Variants in PHKA2 observed in about 807,000 individuals in gnomAD.
PHKA2 encodes phosphorylase kinase regulatory subunit alpha 2.
In PHKA2, 31 loss-of-function variants were observed where a neutral mutation model predicts 102.0. That is an observed-to-expected ratio of 0.30 (90% confidence interval 0.23 to 0.41). The LOEUF is 0.41. Among genes scored for constraint, PHKA2 ranks in the 10% least tolerant of loss-of-function variants. PHKA2 has a pLI of 1.00. For synonymous variants in PHKA2, 455 were observed against 416.2 expected (o/e 1.09, Z -1.13); for missense variants, 858 against 1,023.1 (o/e 0.84, Z 2.20).
chrX:18,927,107 T>C (rs1293157939), intron 13 of PHKA2, among the ~76,000 whole-genome samples: 1 of 111,005 alleles, frequency 9.0e-6, no homozygotes, highest in Non-Finnish European at 1.9e-5. Flanking sequence ...GGTCTGTGAG[T>C]GGGGATGCTG....
In PHKA2 at chrX:18,983,899, C is replaced by T; in HGVS notation, c.34G>A (p.Asp12Asn). ...TGCTGCACCAGCCGCGCGTACCCGT[C>T]CAAGCGGACCCCGGAATTGCTCCTG... ...RSRSNSGVRL[D>N]GYARLVQQTI... The change falls in exon 1 of 33, where the codon GAC (aspartate) becomes AAC (asparagine). Residue 12 changes from aspartate to asparagine, a missense_variant. Physicochemically the swap from Asp to Asn is conservative, Grantham distance 23. This residue lies in a region of PHKA2 where 187 missense variants were observed against 277.9 expected (regional missense o/e 0.67). Coordinates refer to ENST00000379942, the MANE Select transcript of PHKA2 (RefSeq NM_000292.3). 1.7e-6 allele frequency: 2 copies of T among 1,211,717 alleles called. No individual in the cohort carries two copies. Among genetic ancestry groups the T allele is most frequent in the Non-Finnish European group, 1.1e-6 (1 of 895,167 alleles).
chrX:18,918,723 TGTCCCGCGTGGA>T lies in PHKA2; in HGVS notation c.2083_2094del (p.Ser695_Asp698del). 2 of 1,211,058 alleles carry T rather than the reference TGTCCCGCGTGGA, an allele frequency of 1.7e-6. No individual in the cohort carries two copies. The highest frequency in any genetic ancestry group is 2.2e-6 in the Non-Finnish European group (2 of 894,720). ...TTTGCTTTTGCCATCACAGAAAGTATGTCCCGCGTGGAGTGGATAGCACTGAAGACATGGCGG... is the reference window on the plus strand; with the variant it reads ...TTTGCTTTTGCCATCACAGAAAGTATGTGGATAGCACTGAAGACATGGCGG... On this transcript the variant is annotated inframe_deletion, in exon 19 of 33. Transcript: ENST00000379942.
intron 26 of PHKA2, among the ~76,000 whole-genome samples, chrX:18,903,866 G>C (rs1029155184): frequency 2.0e-4 from 22 of 112,050 alleles, no homozygotes; most frequent in Non-Finnish European, 3.8e-5. Context: ...AAGCCTCCCA[G>C]GTCTAGCTGT....
chrX:18,909,267 G>C (rs1445898619), intron 20 of PHKA2, among the ~76,000 whole-genome samples: 1 of 112,299 alleles, frequency 8.9e-6, no homozygotes, highest in Non-Finnish European at 1.9e-5. Flanking sequence ...AGAGATGGGA[G>C]GGGGGCACAG....
intron 18 of PHKA2, 97 bp downstream of exon 18, chrX:18,919,931 TATCA>T (rs1327530432): frequency 7.8e-6 from 5 of 642,521 alleles, no homozygotes; most frequent in Non-Finnish European, 1.3e-5. Context: ...TGTTTTTAAT[TATCA>T]ATCATTGTCT....
At chrX:18,913,829 T>C (rs1452911073) in intron 19 of PHKA2, among the ~76,000 whole-genome samples, 2 of 112,019 alleles carry the variant, frequency 1.8e-5, no homozygotes, top group African/African-American at 3.2e-5. Flanking sequence ...AGGGCCAGGA[T>C]CATCCATCAC....
chrX:18,963,923 C>T (rs922046217), intron 1 of PHKA2, among the ~76,000 whole-genome samples: 2 of 111,344 alleles, frequency 1.8e-5, no homozygotes, highest in African/African-American at 6.5e-5. Context: ...GATCTCCTTG[C>T]TTCTGGTATT....
chrX:18,898,491 C>T (rs1373466581), intron 29 of PHKA2, among the ~76,000 whole-genome samples: 2 of 113,118 alleles, frequency 1.8e-5, no homozygotes, highest in African/African-American at 3.2e-5. Flanking sequence ...TAGTGCCACA[C>T]ATCAAATGTG....
chrX:18,963,545 A>G (rs1302660293), intron 1 of PHKA2, among the ~76,000 whole-genome samples: 2 of 112,139 alleles, frequency 1.8e-5, no homozygotes, highest in Non-Finnish European at 3.8e-5. Context: ...AATCCCCTGG[A>G]CTTTTCAGTT....
chrX:18,956,351 T>C (rs2048774448), intron 1 of PHKA2, among the ~76,000 whole-genome samples: 1 of 111,213 alleles, frequency 9.0e-6, no homozygotes, highest in Non-Finnish European at 1.9e-5. Context: ...CATAAGCATC[T>C]TTATCTGTTC....
At chrX:18,958,625 C>T (rs984506397) in intron 1 of PHKA2, among the ~76,000 whole-genome samples, 1 of 104,647 alleles carries the variant, frequency 9.6e-6, no homozygotes, top group Non-Finnish European at 2.0e-5. Flanking sequence ...TGAATTTAAC[C>T]ATCCAGTCAT....
chrX:18,951,917 T>TA (rs957975708), intron 3 of PHKA2, among the ~76,000 whole-genome samples: 3 of 108,956 alleles, frequency 2.8e-5, no homozygotes, highest in East Asian at 2.9e-4. Flanking sequence ...ACGTGGCTTT[T>TA]AAAAAAAAAT....
At chrX:18,919,939 A>G in intron 18 of PHKA2, 93 bp downstream of exon 18, 1 of 664,696 alleles carries the variant, frequency 1.5e-6, no homozygotes, top group Non-Finnish European at 2.4e-6. Flanking sequence ...ATTATCAATC[A>G]TTGTCTATAT....
chrX:18,931,711 C>T lies in PHKA2; in HGVS notation c.1175G>A (p.Arg392Gln), dbSNP rs927716807. 1.7e-6 allele frequency: 2 copies of T among 1,201,868 alleles called. No homozygotes were observed. The highest frequency in any genetic ancestry group is 1.1e-6 in the Non-Finnish European group (1 of 886,599). The change falls in exon 12 of 33, where the codon CGA becomes CAA. Residue 392 changes from arginine to glutamine, a missense_variant. Coordinates refer to ENST00000379942, the MANE Select transcript of PHKA2 (RefSeq NM_000292.3). ...EEYKNPHTVD[R>Q]VPMGKVPHLW... is the part of the protein sequence containing the mutation. ...ATGAGGCACCTTCCCCATAGGAACT[C>T]GGTCTACTGTGTGAGGATTCTTGTA... is the stretch of plus-strand genomic sequence containing the variant.
chrX:18,897,462 G>GT, intron 29 of PHKA2, 129 bp from the exon 30 acceptor site: 8 of 560,702 alleles, frequency 1.4e-5, no homozygotes, highest in Non-Finnish European at 2.0e-5. Flanking sequence ...AGAGGAACAC[G>GT]GTTCCTCCAG....
intron 15 of PHKA2, among the ~76,000 whole-genome samples, chrX:18,925,405 G>A (rs1364108863): frequency 8.9e-6 from 1 of 112,158 alleles, no homozygotes; most frequent in African/African-American, 3.2e-5. Context: ...CAAGGGCTGT[G>A]AGTCAAGTGA....
Position 18,905,332 on chromosome X carries a change from CCTGA to C in PHKA2, c.2908+422_2908+425del, listed in dbSNP as rs759137863. Among the ~76,000 whole-genome samples, 7 of 111,973 alleles carry C rather than the reference CCTGA, an allele frequency of 6.3e-5. No homozygotes were observed. The South Asian group carries it at 1.9e-3, about 31-fold the overall frequency. On this transcript the variant is annotated intron_variant, in intron 26 of 32. Transcript: ENST00000379942. ...GGGATTACAGGCGCGCGCCACCACG[CCTGA>C]CTAATTTTTTTTGTATTTTTAGTAG...
intron 1 of PHKA2, among the ~76,000 whole-genome samples, chrX:18,983,293 T>A (rs1163794026): frequency 8.9e-6 from 1 of 112,814 alleles, no homozygotes; most frequent in Non-Finnish European, 1.9e-5. Context: ...CATAGGACCC[T>A]GTGAGCTTGG....
intron 1 of PHKA2, among the ~76,000 whole-genome samples, chrX:18,964,017 G>A (rs1189325616): frequency 9.1e-6 from 1 of 110,327 alleles, no homozygotes; most frequent in Non-Finnish European, 1.9e-5. Flanking sequence ...CCTAGAATTC[G>A]AAGATTTCTG....
Sources: gnomAD v4.1 joint callset for allele counts (sites outside exome capture counted in the v4.1 genomes callset) on GRCh38, gnomAD v4.1.1 for gene constraint, gnomAD v4.1.1 regional missense constraint, MANE v1.5 for transcripts, NCBI Gene and HGNC (gene_info 2026-07-23, HGNC 2026-07-21) for gene names.